IARS2: variants seen among roughly 807,000 people sequenced by gnomAD.
IARS2 encodes the protein isoleucine--tRNA ligase, mitochondrial.
A neutral mutation model predicts 126.3 loss-of-function variants in IARS2; 56 were observed. The observed-to-expected ratio is 0.44, with a 90% CI of 0.36 to 0.55. IARS2 has a LOEUF of 0.55. Ranked by LOEUF, IARS2 falls within the 20% of genes least tolerant of loss-of-function variation. The probability of loss-of-function intolerance (pLI) is 0.00; values close to 1 mark genes in which losing one functional copy is unlikely to be tolerated. For synonymous variants in IARS2, 407 were observed against 441.1 expected (o/e 0.92, Z 0.97); for missense variants, 1,127 against 1,245.9 (o/e 0.90, Z 1.44).
chr1:220,095,340 A>G (rs964349242), intron 1 of IARS2, among the ~76,000 whole-genome samples: 2 of 152,214 alleles, frequency 1.3e-5, no homozygotes, highest in Admixed American at 6.5e-5. Flanking sequence ...CGCCCAGCCT[A>G]GTCTGAACTT....
chr1:220,106,612 T>C (rs982432858), intron 9 of IARS2, among the ~76,000 whole-genome samples: 1 of 152,042 alleles, frequency 6.6e-6, no homozygotes, highest in East Asian at 1.9e-4. Context: ...AAATTCCTAT[T>C]TCCTTTTCTT....
rs1270582523 is a variant in IARS2 at position 220,102,428 on chromosome 1, T to G, written c.749+16T>G. 1 of 1,613,258 alleles carries G rather than the reference T, an allele frequency of 6.2e-7. No individual in the cohort carries two copies. Among genetic ancestry groups the G allele is most frequent in the Non-Finnish European group, 8.5e-7 (1 of 1,179,658 alleles). On this transcript the variant is annotated intron_variant, in intron 5 of 22. Transcript: ENST00000366922. Reference sequence around the variant, plus strand: ...CGTCATCTAGGTATATATGCATTTTTCGGTAATTAAAAGGGAGAAATTTGT... The same window carrying G: ...CGTCATCTAGGTATATATGCATTTTGCGGTAATTAAAAGGGAGAAATTTGT...
At chr1:220,122,987 G>A (rs1657078422) in intron 12 of IARS2, among the ~76,000 whole-genome samples, 1 of 149,214 alleles carries the variant, frequency 6.7e-6, no homozygotes. Flanking sequence ...CTTTTTTAAT[G>A]AGAATTTCAT....
In IARS2 at chr1:220,147,936, G is replaced by A; in HGVS notation, c.*301G>A. On this transcript the variant is annotated 3_prime_UTR_variant, in exon 23 of 23. Transcript: ENST00000366922. ...CAGAACATAGATATGTATTCAGCTTGTCTTCAAATACGGCCAAGCAGAAAA... is the reference window on the plus strand; with the variant it reads ...CAGAACATAGATATGTATTCAGCTTATCTTCAAATACGGCCAAGCAGAAAA... 2.5e-6 allele frequency: 1 copy of A among 399,628 alleles called. No homozygotes were observed. Among genetic ancestry groups the A allele is most frequent in the Non-Finnish European group, 4.4e-6 (1 of 226,514 alleles). The allele number at this position is 399,628 out of a possible 1,614,324, so 24.8% of individuals were successfully genotyped here. A position where few individuals can be genotyped will look rare whatever the true frequency, so the allele number is the denominator to read the frequency against.
chr1:220,137,805 T>C (rs1003771785), intron 16 of IARS2, 113 bp from the exon 17 acceptor site: 15 of 1,143,074 alleles, frequency 1.3e-5, no homozygotes, highest in Non-Finnish European at 1.9e-5. Context: ...CTAGTATAGT[T>C]TGTACTTACA....
chr1:220,115,177 AT>A (rs1207629610), intron 12 of IARS2, among the ~76,000 whole-genome samples: 2 of 152,178 alleles, frequency 1.3e-5, no homozygotes, highest in African/African-American at 4.8e-5. Flanking sequence ...CTGTGCCTAG[AT>A]TTTTTTCACT....
At chr1:220,103,374 T>C (rs1656618455) in intron 7 of IARS2, 73 bp from the exon 8 acceptor site, 1 of 952,004 alleles carries the variant, frequency 1.1e-6, no homozygotes, top group Admixed American at 2.0e-5. Context: ...AAAATGATTA[T>C]TTAAAAATTA....
intron 15 of IARS2, 58 bp from the exon 16 acceptor site, chr1:220,136,751 C>A (rs962560757): frequency 3.6e-5 from 32 of 885,534 alleles, no homozygotes; most frequent in Non-Finnish European, 5.3e-5. Flanking sequence ...TGTACCTAAT[C>A]TTCAAAAAGA....
chr1:220,114,675 A>G (rs1033961229), intron 12 of IARS2, among the ~76,000 whole-genome samples: 4 of 152,236 alleles, frequency 2.6e-5, no homozygotes, highest in Admixed American at 1.3e-4. Context: ...TTAAATATTG[A>G]TACTTAGAAG....
At chr1:220,095,990 A>C (rs1413263116) in intron 1 of IARS2, 114 bp from the exon 2 acceptor site, 1 of 626,580 alleles carries the variant, frequency 1.6e-6, no homozygotes, top group South Asian at 2.4e-5. Flanking sequence ...TTGGAATGGA[A>C]TAGATTGGAA....
intron 12 of IARS2, among the ~76,000 whole-genome samples, chr1:220,116,119 G>C (rs1388788550): frequency 2.0e-5 from 3 of 152,130 alleles, no homozygotes; most frequent in African/African-American, 7.2e-5. Context: ...TAAGGCGAGA[G>C]GATCGCTCAA....
intron 22 of IARS2, 147 bp from the exon 23 acceptor site, chr1:220,147,346 T>A: frequency 1.5e-6 from 1 of 683,542 alleles, no homozygotes; most frequent in Non-Finnish European, 2.5e-6. Context: ...CTTGGCTATA[T>A]ATGTAATGGG....
intron 18 of IARS2, among the ~76,000 whole-genome samples, chr1:220,139,742 C>A (rs1442936733): frequency 1.3e-5 from 2 of 151,660 alleles, no homozygotes; most frequent in Admixed American, 1.3e-4. Context: ...CAGAGTGAGA[C>A]CCTGTCTTAA....
At chr1:220,137,776 C>A in intron 16 of IARS2, 142 bp from the exon 17 acceptor site, 2 of 803,042 alleles carry the variant, frequency 2.5e-6, no homozygotes, top group Non-Finnish European at 3.9e-6. Context: ...AGATTGTTAG[C>A]CCGCATTTCA....
At chr1:220,134,324 AT>A (rs1657325160) in intron 14 of IARS2, 77 bp from the exon 15 acceptor site, 1 of 975,496 alleles carries the variant, frequency 1.0e-6, no homozygotes. Context: ...ACTAATTGTT[AT>A]TAATAAGTAT....
chr1:220,095,245 G>A (rs1656414118), intron 1 of IARS2, among the ~76,000 whole-genome samples: 1 of 152,074 alleles, frequency 6.6e-6, no homozygotes, highest in Non-Finnish European at 1.5e-5. Context: ...CACCATGTTG[G>A]CCAGGGTGGT....
At chr1:220,118,145 T>C (rs3820455) in intron 12 of IARS2, 22,625 of 494,928 alleles carry the variant, frequency 0.046, 702 homozygotes, top group East Asian at 0.12. Flanking sequence ...TATACCTTTA[T>C]ATTGTAGCAA....
Position 220,112,393 on chromosome 1 carries a change from C to G in IARS2, c.1479+1456C>G, listed in dbSNP as rs979121127. On this transcript the variant is annotated intron_variant, in intron 11 of 22. Transcript: ENST00000366922. ...TCATGATCCACCCGCCTCGGCCTCCCAAAGTGCTGGGATTACAGGCGTGAG... is the reference window on the plus strand; with the variant it reads ...TCATGATCCACCCGCCTCGGCCTCCGAAAGTGCTGGGATTACAGGCGTGAG... Among the ~76,000 whole-genome samples the G allele has an allele frequency of 8.0e-5, 5 of 62,130 alleles. 1 individual carries two copies. The highest frequency in any genetic ancestry group is 6.5e-4 in the Admixed American group (4 of 6,166). The allele number at this position is 62,130 out of a possible 152,430, so 40.8% of individuals were successfully genotyped here. A position where few individuals can be genotyped will look rare whatever the true frequency, so the allele number is the denominator to read the frequency against.
At chr1:220,146,927 A>C (rs575357009) in intron 22 of IARS2, among the ~76,000 whole-genome samples, 11 of 152,104 alleles carry the variant, frequency 7.2e-5, no homozygotes, top group Admixed American at 6.6e-4. Flanking sequence ...CCGCCTCGGC[A>C]TCCCAAAATG....
Sources: gnomAD v4.1 joint callset for allele counts (sites outside exome capture counted in the v4.1 genomes callset) on GRCh38, gnomAD v4.1.1 for gene constraint, MANE v1.5 for transcripts, NCBI Gene and HGNC (gene_info 2026-07-23, HGNC 2026-07-21) for gene names.